SLC8A1: variants seen among roughly 807,000 people sequenced by gnomAD.
SLC8A1 encodes the protein solute carrier family 8 member A1, also known as sodium/calcium exchanger 1.
Under a neutral mutation model 68.3 loss-of-function variants are expected in SLC8A1, and 18 were observed. The observed-to-expected ratio is 0.26, with a 90% CI of 0.18 to 0.39. The LOEUF (loss-of-function observed/expected upper bound fraction) is 0.39. Ranked by LOEUF, SLC8A1 falls within the 10% of genes least tolerant of loss-of-function variation. The probability of loss-of-function intolerance (pLI) is 1.00; values close to 1 mark genes in which losing one functional copy is unlikely to be tolerated. For missense variants in SLC8A1, 985 were observed against 1,156.7 expected (o/e 0.85, Z 2.15); for synonymous variants, 475 against 415.5 (o/e 1.14, Z -1.74).
Position 40,135,600 on chromosome 2 carries a change from C to T in SLC8A1, c.2437+3801G>A, listed in dbSNP as rs543588005. Reference sequence around the variant, plus strand: ...AGGCATGGTGGTATGTGCCTGTAGTCCCAGCTACTCGGGAGGCTGAGGCAG... The same window carrying T: ...AGGCATGGTGGTATGTGCCTGTAGTTCCAGCTACTCGGGAGGCTGAGGCAG... On this transcript the variant is annotated intron_variant, in intron 7 of 7. Coordinates refer to ENST00000406785, the Ensembl canonical transcript of SLC8A1. Among the ~76,000 whole-genome samples, 49 of 152,222 alleles carry T rather than the reference C, an allele frequency of 3.2e-4. No homozygotes were observed. In the South Asian group the frequency reaches 9.4e-3, roughly 29 times the overall value.
In SLC8A1 at chr2:40,482,076, A is replaced by C. The variant is rs114226729; in HGVS notation, c.-25+30273T>G. ...AAGCTCCTGCATTTTTTTAAAATACATATTTTATTGTGGTAAGAATGCTTA... is the reference window on the plus strand; with the variant it reads ...AAGCTCCTGCATTTTTTTAAAATACCTATTTTATTGTGGTAAGAATGCTTA... On this transcript the variant is annotated intron_variant, in intron 1 of 7. Transcript: ENST00000402441. Among the ~76,000 whole-genome samples, 1,265 of 152,288 alleles carry C rather than the reference A, an allele frequency of 8.3e-3. 21 individuals carry two copies. Among genetic ancestry groups the C allele is most frequent in the African/African-American group, 0.029 (1,218 of 41,574 alleles).
rs558332105 is a variant in SLC8A1, at chr2:40,350,436, G to A, written c.1808+78037C>T. On this transcript the variant is annotated intron_variant, in intron 2 of 7. Coordinates refer to ENST00000406785, the Ensembl canonical transcript of SLC8A1. ...GTTGACGCTGCAATGAACTGTGATC[G>A]TGCCACTGCGGTCCAGCCTGGGTGA... Among the ~76,000 whole-genome samples the A allele has an allele frequency of 1.1e-4, 17 of 152,016 alleles. No homozygotes were observed. The South Asian group carries it at 2.7e-3, about 24-fold the overall frequency.
intron 6 of SLC8A1, among the ~76,000 whole-genome samples, chr2:40,158,512 T>G (rs1392329179): frequency 6.6e-6 from 1 of 152,198 alleles, no homozygotes; most frequent in Non-Finnish European, 1.5e-5. Context: ...ATATATTGTA[T>G]GACAAGAAGA....
intron 2 of SLC8A1, chr2:40,250,164 A>G (rs1405180837): frequency 6.6e-6 from 1 of 152,248 alleles, no homozygotes; most frequent in African/African-American, 2.4e-5. Flanking sequence ...TTGTCTGGAA[A>G]TAAGTAAATA....
At chr2:40,382,900 T>A (rs1233015927) in intron 2 of SLC8A1, among the ~76,000 whole-genome samples, 1 of 152,106 alleles carries the variant, frequency 6.6e-6, no homozygotes, top group Non-Finnish European at 1.5e-5. Flanking sequence ...TATAATTATG[T>A]CTTTCTTGGT....
At chr2:40,323,099 A>C (rs545164458) in intron 2 of SLC8A1, among the ~76,000 whole-genome samples, 2 of 152,164 alleles carry the variant, frequency 1.3e-5, no homozygotes, top group African/African-American at 4.8e-5. Flanking sequence ...CATTTACAGA[A>C]ATATTCTTAT....
intron 2 of SLC8A1, among the ~76,000 whole-genome samples, chr2:40,297,581 T>C (rs1487232388): frequency 2.0e-5 from 3 of 152,246 alleles, no homozygotes; most frequent in African/African-American, 4.8e-5. Context: ...CTCTACTTTG[T>C]GTAAAGCAAA....
chr2:40,475,961 T>C (rs550771984), intron 1 of SLC8A1, among the ~76,000 whole-genome samples: 2 of 152,334 alleles, frequency 1.3e-5, no homozygotes, highest in Non-Finnish European at 2.9e-5. Flanking sequence ...AGTAGTTTTC[T>C]GTTCAAAAGA....
intron 2 of SLC8A1, among the ~76,000 whole-genome samples, chr2:40,253,347 C>G (rs986707690): frequency 6.6e-6 from 1 of 151,086 alleles, no homozygotes; most frequent in Admixed American, 6.6e-5. Context: ...TATATACACA[C>G]ACAATGGAAT....
At chr2:40,229,533 G>T (rs1308646565) in intron 2 of SLC8A1, among the ~76,000 whole-genome samples, 3 of 152,100 alleles carry the variant, frequency 2.0e-5, no homozygotes, top group Non-Finnish European at 4.4e-5. Context: ...CATTCAGTCA[G>T]TCAAAAGTTG....
intron 7 of SLC8A1, among the ~76,000 whole-genome samples, chr2:40,126,864 G>C (rs988143555): frequency 6.6e-6 from 1 of 152,134 alleles, no homozygotes. Flanking sequence ...CATCTGTCTT[G>C]TTTATCCCCC....
At chr2:40,261,430 T>C (rs572549893) in intron 2 of SLC8A1, among the ~76,000 whole-genome samples, 1 of 152,346 alleles carries the variant, frequency 6.6e-6, no homozygotes, top group South Asian at 2.1e-4. Flanking sequence ...AACTGCTCGA[T>C]TGGGATTTTG....
At chr2:40,293,375 GAC>G (rs2069699547) in intron 2 of SLC8A1, among the ~76,000 whole-genome samples, 1 of 152,110 alleles carries the variant, frequency 6.6e-6, no homozygotes, top group African/African-American at 2.4e-5. Flanking sequence ...GCAAAAAATT[GAC>G]AGCCATAACT....
intron 2 of SLC8A1, among the ~76,000 whole-genome samples, chr2:40,395,351 GA>G (rs1410164120): frequency 6.6e-6 from 1 of 152,090 alleles, no homozygotes; most frequent in Non-Finnish European, 1.5e-5. Flanking sequence ...TTCAGACCAC[GA>G]ATTCCTGTAA....
intron 2 of SLC8A1, among the ~76,000 whole-genome samples, chr2:40,406,737 C>G (rs1576205828): frequency 6.6e-6 from 1 of 152,164 alleles, no homozygotes; most frequent in Non-Finnish European, 1.5e-5. Context: ...GCATTTCGAT[C>G]TAAGCCTACA....
At chr2:40,273,061 G>A (rs1409191429) in intron 2 of SLC8A1, among the ~76,000 whole-genome samples, 1 of 152,142 alleles carries the variant, frequency 6.6e-6, no homozygotes, top group Non-Finnish European at 1.5e-5. Flanking sequence ...TCCTGCCTCA[G>A]CCTCCTGAGT....
intron 1 of SLC8A1, among the ~76,000 whole-genome samples, chr2:40,494,442 T>C (rs573157211): frequency 5.3e-4 from 80 of 151,876 alleles, no homozygotes; most frequent in African/African-American, 1.9e-3. Flanking sequence ...TTTGCTATTG[T>C]GAGTAGTGCC....
At chr2:40,463,843 C>CAT (rs1703486407) in intron 1 of SLC8A1, among the ~76,000 whole-genome samples, 5 of 54,466 alleles carry the variant, frequency 9.2e-5, no homozygotes, top group African/African-American at 4.2e-4. Flanking sequence ...CACACATACA[C>CAT]ACACACACAC....
chr2:40,424,638 G>A lies in SLC8A1; in HGVS notation c.1808+3835C>T, dbSNP rs115768200. 3.8e-3 allele frequency among the ~76,000 whole-genome samples: 575 copies of A among 151,902 alleles called. 2 individuals carry two copies. Among genetic ancestry groups the A allele is most frequent in the African/African-American group, 0.013 (551 of 41,536 alleles). On this transcript the variant is annotated intron_variant, in intron 2 of 7. Coordinates refer to ENST00000406785, the Ensembl canonical transcript of SLC8A1. The stretch of plus-strand genomic sequence containing the variant: ...TTAAAACAAAATTAAGTTTGGGTAG[G>A]CCCGTTGTTTAATATGTTATACTAT...
Sources: gnomAD v4.1 joint callset for allele counts (sites outside exome capture counted in the v4.1 genomes callset) on GRCh38, gnomAD v4.1.1 for gene constraint, MANE v1.5 for transcripts, NCBI Gene and HGNC (gene_info 2026-07-23, HGNC 2026-07-21) for gene names.